The following HCN1 variants were observed in gnomAD, a reference collection of about 807,000 sequenced individuals.
HCN1 encodes the protein potassium/sodium hyperpolarization-activated cyclic nucleotide-gated channel 1.
A neutral mutation model predicts 78.9 loss-of-function variants in HCN1; 13 were observed. That is an observed-to-expected ratio of 0.16 (90% CI 0.11 to 0.26). The LOEUF is 0.26. HCN1 is among the 10% of genes least tolerant of loss of function. The probability of loss-of-function intolerance (pLI) is 1.00; values close to 1 mark genes in which losing one functional copy is unlikely to be tolerated. For synonymous variants in HCN1, 552 were observed against 455.5 expected (o/e 1.21, Z -2.70); for missense variants, 810 against 1,154.3 (o/e 0.70, Z 4.32).
chr5:45,425,687 C>T (rs746632626), intron 3 of HCN1, among the ~76,000 whole-genome samples: 20 of 152,102 alleles, frequency 1.3e-4, no homozygotes, highest in Non-Finnish European at 2.4e-4. Flanking sequence ...TAATTCTATG[C>T]TACACATTTT....
chr5:45,647,085 G>C (rs890373624), intron 1 of HCN1, among the ~76,000 whole-genome samples: 3 of 152,044 alleles, frequency 2.0e-5, no homozygotes, highest in African/African-American at 7.2e-5. Flanking sequence ...ACTATAATAG[G>C]CCCTATCTCC....
At chr5:45,375,115 A>T (rs1420977551) in intron 4 of HCN1, among the ~76,000 whole-genome samples, 1 of 122,104 alleles carries the variant, frequency 8.2e-6, no homozygotes, top group East Asian at 2.1e-4. Context: ...ATAATATATA[A>T]TATATTATAT....
chr5:45,451,018 A>T (rs562231064), intron 3 of HCN1, among the ~76,000 whole-genome samples: 1 of 152,186 alleles, frequency 6.6e-6, no homozygotes, highest in East Asian at 1.9e-4. Flanking sequence ...TGTTTATCCT[A>T]CTTTTGGTTT....
intron 2 of HCN1, among the ~76,000 whole-genome samples, chr5:45,492,524 T>TTG (rs1554028381): frequency 1.3e-4 from 17 of 135,482 alleles, no homozygotes; most frequent in Admixed American, 1.1e-3. Flanking sequence ...TTTTTGTTTT[T>TTG]TTTTTTTTTT....
rs778066611 is a variant in HCN1, at chr5:45,305,019, C to A, written c.1378-1180G>T. Among the ~76,000 whole-genome samples, 49 of 152,236 alleles carry A rather than the reference C, an allele frequency of 3.2e-4. No individual in the cohort carries two copies. The Middle Eastern group carries it at 0.01, about 32-fold the overall frequency. On this transcript the variant is annotated intron_variant, in intron 5 of 7. Coordinates refer to ENST00000303230, the MANE Select transcript of HCN1 (RefSeq NM_021072.4). ...ACATTTTTGCCACAAAGCCAATTCT[C>A]AGAAATTTCCTTACCAATTAGTTAC...
At chr5:45,373,081 T>C (rs1158522287) in intron 4 of HCN1, among the ~76,000 whole-genome samples, 1 of 134,474 alleles carries the variant, frequency 7.4e-6, no homozygotes, top group East Asian at 2.2e-4. Context: ...GTATATAATA[T>C]ATAAAAATAT....
At chr5:45,291,831 T>G (rs987839372) in intron 6 of HCN1, among the ~76,000 whole-genome samples, 1 of 152,060 alleles carries the variant, frequency 6.6e-6, no homozygotes, top group African/African-American at 2.4e-5. Flanking sequence ...CATCCAGTGC[T>G]GTCCCTTTTC....
At chr5:45,571,860 G>A (rs1743843821) in intron 2 of HCN1, among the ~76,000 whole-genome samples, 2 of 152,158 alleles carry the variant, frequency 1.3e-5, no homozygotes, top group Non-Finnish European at 2.9e-5. Flanking sequence ...GTTGCAGTGA[G>A]CTGAGATCAT....
At chr5:45,406,519 C>T (rs1057324108) in intron 3 of HCN1, among the ~76,000 whole-genome samples, 2 of 152,146 alleles carry the variant, frequency 1.3e-5, no homozygotes, top group Non-Finnish European at 2.9e-5. Context: ...AGTTCACACA[C>T]TTGTAGGTGC....
At chr5:45,286,745 T>G (rs939752045) in intron 6 of HCN1, among the ~76,000 whole-genome samples, 2 of 152,066 alleles carry the variant, frequency 1.3e-5, no homozygotes, top group Non-Finnish European at 1.5e-5. Flanking sequence ...ATGTTGTTGT[T>G]GATGTGTTTC....
At chr5:45,299,332 A>G (rs1255277294) in intron 6 of HCN1, among the ~76,000 whole-genome samples, 3 of 152,064 alleles carry the variant, frequency 2.0e-5, no homozygotes, top group Admixed American at 1.3e-4. Context: ...AATTATGTAA[A>G]TATAAAGCCC....
At chr5:45,619,899 T>C (rs1745023515) in intron 2 of HCN1, among the ~76,000 whole-genome samples, 1 of 152,098 alleles carries the variant, frequency 6.6e-6, no homozygotes, top group Non-Finnish European at 1.5e-5. Context: ...GACTTTCTTC[T>C]AATGAACAGA....
At chr5:45,562,804 G>T (rs1743632040) in intron 2 of HCN1, among the ~76,000 whole-genome samples, 1 of 152,168 alleles carries the variant, frequency 6.6e-6, no homozygotes, top group Non-Finnish European at 1.5e-5. Flanking sequence ...TTGAATAGAT[G>T]ATACTTCATG....
chr5:45,690,896 C>T (rs2112102485), intron 1 of HCN1, among the ~76,000 whole-genome samples: 1 of 152,018 alleles, frequency 6.6e-6, no homozygotes, highest in Non-Finnish European at 1.5e-5. Flanking sequence ...TTTTCCGGAG[C>T]CCAATTGTTG....
intron 3 of HCN1, among the ~76,000 whole-genome samples, chr5:45,423,700 G>A (rs149228378): frequency 6.6e-6 from 1 of 152,218 alleles, no homozygotes; most frequent in East Asian, 1.9e-4. Flanking sequence ...AGCATCATCT[G>A]CTCTCAACTC....
At chr5:45,633,255 C>A (rs1534392) in intron 2 of HCN1, among the ~76,000 whole-genome samples, 41,086 of 151,724 alleles carry the variant, frequency 0.27, 5,663 homozygotes, top group East Asian at 0.32. Context: ...TATATTCTAG[C>A]ATAAGGAAGT....
At chr5:45,360,941 T>G (rs1258271392) in intron 4 of HCN1, among the ~76,000 whole-genome samples, 6 of 152,154 alleles carry the variant, frequency 3.9e-5, no homozygotes, top group Non-Finnish European at 7.4e-5. Context: ...TAATGATTAT[T>G]TAGCTCTCAA....
chr5:45,467,972 C>T (rs1741312116), intron 2 of HCN1, among the ~76,000 whole-genome samples: 1 of 152,082 alleles, frequency 6.6e-6, no homozygotes, highest in Admixed American at 6.6e-5. Flanking sequence ...GCTGGCCTGC[C>T]TTACAGGGTA....
At chr5:45,332,021 A>C (rs1746355008) in intron 5 of HCN1, among the ~76,000 whole-genome samples, 1 of 151,598 alleles carries the variant, frequency 6.6e-6, no homozygotes, top group African/African-American at 2.4e-5. Flanking sequence ...AAATTGGTTT[A>C]TATAAGCTAG....
Sources: allele counts gnomAD v4.1 joint callset (sites outside exome capture counted in the v4.1 genomes callset), GRCh38; gene constraint gnomAD v4.1.1; transcripts MANE v1.5; gene names NCBI Gene and HGNC (gene_info 2026-07-23, HGNC 2026-07-21).